XRN1: variants seen among roughly 807,000 people sequenced by gnomAD.
XRN1 encodes 5'-3' exoribonuclease 1.
Under a neutral mutation model 222.3 loss-of-function variants are expected in XRN1, and 67 were observed. The observed-to-expected ratio is 0.30, with a 90% CI of 0.25 to 0.37. XRN1 has a LOEUF of 0.37. XRN1 is among the 10% of genes least tolerant of loss of function. The pLI is 1.00. For missense variants in XRN1, 1,707 were observed against 2,000.2 expected (o/e 0.85, Z 2.80); for synonymous variants, 643 against 652.4 (o/e 0.99, Z 0.22).
Position 142,376,469 on chromosome 3 carries a change from A to T in XRN1, c.2831+10T>A. ...GCCACTTTAAGTAAATTTCTCTAAC[A>T]TAAACTTACTTTCTCCTAGATCCTC... On this transcript the variant is annotated intron_variant, in intron 24 of 40. Coordinates refer to ENST00000392981, the MANE Select transcript of XRN1 (RefSeq NM_001282857.2). 6.3e-7 allele frequency: 1 copy of T among 1,595,902 alleles called. No individual in the cohort carries two copies. Among genetic ancestry groups the T allele is most frequent in the Non-Finnish European group, 8.6e-7 (1 of 1,165,698 alleles).
At chr3:142,358,683 A>C (rs1336869075) in intron 30 of XRN1, among the ~76,000 whole-genome samples, 1 of 152,136 alleles carries the variant, frequency 6.6e-6, no homozygotes, top group Non-Finnish European at 1.5e-5. Context: ...ACTTTCATGA[A>C]AAATAAAATC....
chr3:142,410,711 G>A (rs2068542155), intron 15 of XRN1, among the ~76,000 whole-genome samples: 1 of 151,962 alleles, frequency 6.6e-6, no homozygotes, highest in African/African-American at 2.4e-5. Context: ...AGCCAGGACA[G>A]TCTTGATCTC....
At chr3:142,445,357 T>C (rs1490652418) in intron 1 of XRN1, among the ~76,000 whole-genome samples, 2 of 152,246 alleles carry the variant, frequency 1.3e-5, no homozygotes, top group Non-Finnish European at 2.9e-5. Context: ...CTATTTTGTG[T>C]GCATTTTTTT....
At chr3:142,356,010 G>A (rs557846507) in intron 31 of XRN1, among the ~76,000 whole-genome samples, 2 of 152,094 alleles carry the variant, frequency 1.3e-5, no homozygotes, top group Non-Finnish European at 2.9e-5. Flanking sequence ...AGTGAAACTG[G>A]TGTTCTTTAT....
chr3:142,427,905 T>A (rs2069328861), intron 2 of XRN1, among the ~76,000 whole-genome samples: 1 of 152,256 alleles, frequency 6.6e-6, no homozygotes, highest in African/African-American at 2.4e-5. Flanking sequence ...ATTCTATTTC[T>A]GTGATGAACA....
chr3:142,316,920 A>G (rs2065226460), intron 39 of XRN1, among the ~76,000 whole-genome samples: 1 of 152,152 alleles, frequency 6.6e-6, no homozygotes, highest in Non-Finnish European at 1.5e-5. Flanking sequence ...AAAAGGGTAC[A>G]TAAGAAATAA....
intron 5 of XRN1, 131 bp downstream of exon 5, chr3:142,425,091 G>T: frequency 1.7e-6 from 1 of 599,288 alleles, no homozygotes; most frequent in Non-Finnish European, 2.7e-6. Context: ...ATTTGGTAAT[G>T]ATAGAAGTAG....
chr3:142,418,681 A>G, intron 11 of XRN1, 72 bp from the exon 12 acceptor site: 6 of 1,438,360 alleles, frequency 4.2e-6, no homozygotes, highest in East Asian at 2.3e-5. Context: ...ATGATTTGAT[A>G]AATGCATATC....
At chr3:142,428,171 T>C (rs2069342339) in intron 2 of XRN1, among the ~76,000 whole-genome samples, 1 of 152,044 alleles carries the variant, frequency 6.6e-6, no homozygotes, top group African/African-American at 2.4e-5. Flanking sequence ...GGCAGGTGGA[T>C]TACCTAAGGT....
chr3:142,382,052 T>C (rs75508643), intron 22 of XRN1, among the ~76,000 whole-genome samples: 3,790 of 152,302 alleles, frequency 0.025, 162 homozygotes, highest in African/African-American at 0.087. Context: ...GGGTATTACA[T>C]CTGGAGGTAC....
intron 29 of XRN1, among the ~76,000 whole-genome samples, chr3:142,363,377 G>A (rs767118684): frequency 2.6e-5 from 4 of 151,512 alleles, no homozygotes; most frequent in Admixed American, 2.6e-4. Flanking sequence ...CTATACTAAC[G>A]GGGACAGCAC....
intron 20 of XRN1, among the ~76,000 whole-genome samples, chr3:142,395,059 A>C (rs938721361): frequency 2.6e-5 from 4 of 152,248 alleles, no homozygotes; most frequent in Non-Finnish European, 5.9e-5. Flanking sequence ...CATAGAGCTA[A>C]GAATGCTCTG....
intron 20 of XRN1, among the ~76,000 whole-genome samples, chr3:142,389,294 G>GTA (rs1209614393): frequency 6.6e-6 from 1 of 151,970 alleles, no homozygotes; most frequent in African/African-American, 2.4e-5. Flanking sequence ...CCATCTTAAG[G>GTA]CTCCACTTCT....
chr3:142,439,413 T>C (rs2070092650), intron 1 of XRN1, among the ~76,000 whole-genome samples: 2 of 152,194 alleles, frequency 1.3e-5, no homozygotes, highest in Non-Finnish European at 2.9e-5. Context: ...CGCAGACATC[T>C]GCTAACTTGC....
chr3:142,383,781 C>T (rs1320717928), intron 21 of XRN1, among the ~76,000 whole-genome samples: 1 of 152,208 alleles, frequency 6.6e-6, no homozygotes, highest in African/African-American at 2.4e-5. Flanking sequence ...TGTACTATAA[C>T]ACCCCAAATT....
At chr3:142,334,767 TACACACACAC>T (rs761753366) in intron 34 of XRN1, among the ~76,000 whole-genome samples, 5 of 90,350 alleles carry the variant, frequency 5.5e-5, no homozygotes, top group African/African-American at 1.4e-4. Flanking sequence ...TGTCTATGTA[TACACACACAC>T]ACACACACAC....
rs564738415 is a variant in XRN1 at position 142,339,829 on chromosome 3, C to G, written c.3878-4320G>C. ...AAAACAAAAAACAAAAACAAACAAA[C>G]AAAATCCCCAAATAGCTGTTTTGAG... On this transcript the variant is annotated intron_variant, in intron 33 of 40. Coordinates refer to ENST00000392981, the MANE Select transcript of XRN1 (RefSeq NM_001282857.2). Among the ~76,000 whole-genome samples, 7 of 152,102 alleles carry G rather than the reference C, an allele frequency of 4.6e-5. No individual in the cohort carries two copies. The South Asian group carries it at 1.5e-3, about 32-fold the overall frequency.
chr3:142,432,297 G>T (rs374539468), intron 2 of XRN1, among the ~76,000 whole-genome samples: 1 of 138,342 alleles, frequency 7.2e-6, no homozygotes, highest in African/African-American at 3.0e-5. Flanking sequence ...GCGCTTGGCT[G>T]TAATCCCAGC....
At chr3:142,379,254 G>C (rs1335455933) in intron 23 of XRN1, among the ~76,000 whole-genome samples, 4 of 152,146 alleles carry the variant, frequency 2.6e-5, no homozygotes, top group African/African-American at 9.7e-5. Context: ...CTGGATGACA[G>C]AGCGAAACTC....
Sources: gnomAD v4.1 joint callset for allele counts (sites outside exome capture counted in the v4.1 genomes callset) on GRCh38, gnomAD v4.1.1 for gene constraint, MANE v1.5 for transcripts, NCBI Gene and HGNC (gene_info 2026-07-23, HGNC 2026-07-21) for gene names.